Variants in LRRC36 observed in about 807,000 individuals in gnomAD.
LRRC36 encodes leucine rich repeat containing 36, also known as leucine-rich repeat-containing protein 36.
A neutral mutation model predicts 81.1 loss-of-function variants in LRRC36; 62 were observed. That is an observed-to-expected ratio of 0.76 (90% CI 0.62 to 0.94). LRRC36 has a LOEUF of 0.94. LRRC36 is among the 40% of genes least tolerant of loss of function. The pLI, the probability that LRRC36 is intolerant of heterozygous loss-of-function variation, is 0.00. For missense variants in LRRC36, 761 were observed against 881.7 expected, an observed-to-expected ratio of 0.86 and a Z score of 1.73; for synonymous variants, 334 against 348.6, an observed-to-expected ratio of 0.96 and a Z score of 0.47.
In LRRC36 at chr16:67,334,427, T is replaced by G. The variant is rs531614711; in HGVS notation, c.70+7495T>G. On this transcript the variant is annotated intron_variant, in intron 1 of 13. Transcript: ENST00000329956. ...GCAACCTCCGCCTCCTGGGTTCAAG[T>G]GATTCTCATGCCTCAGCCTCCCAAG... is the stretch of plus-strand genomic sequence containing the variant. 6.7e-4 allele frequency among the ~76,000 whole-genome samples: 101 copies of G among 151,624 alleles called. 1 individual carries two copies. Among genetic ancestry groups the G allele is most frequent in the Non-Finnish European group, 1.2e-3 (82 of 67,878 alleles).
At position 67,341,920 on chromosome 16, in the gene LRRC36, A is replaced by G. The variant is rs765375270; in HGVS notation, c.71-37A>G. 17 of 1,572,466 alleles carry G rather than the reference A, an allele frequency of 1.1e-5. No individual in the cohort carries two copies. In the South Asian group the frequency reaches 1.6e-4, roughly 15 times the overall value. On this transcript the variant is annotated intron_variant, in intron 1 of 13. Transcript: ENST00000329956. ...CACTGACTCTGCTGTTGATCCGAGC[A>G]GGGATCATAATATATCTACTGATGA...
intron 5 of LRRC36, among the ~76,000 whole-genome samples, chr16:67,353,143 C>T (rs2038736069): frequency 1.3e-5 from 2 of 152,272 alleles, no homozygotes; most frequent in South Asian, 4.1e-4. Flanking sequence ...TTAACAGCCT[C>T]TCAAGCTAAA....
chr16:67,358,180 T>C (rs944056774), intron 5 of LRRC36, among the ~76,000 whole-genome samples: 2 of 151,620 alleles, frequency 1.3e-5, no homozygotes, highest in East Asian at 1.9e-4. Context: ...TTTTTTTTTT[T>C]CAAGAGTGAT....
intron 9 of LRRC36, chr16:67,371,492 G>A (rs1439065900): frequency 5.8e-6 from 3 of 521,254 alleles, no homozygotes; most frequent in African/African-American, 1.9e-5. Flanking sequence ...ACTTCCGGCT[G>A]AAGATTGAAC....
intron 1 of LRRC36, among the ~76,000 whole-genome samples, chr16:67,333,702 A>G (rs958379045): frequency 6.6e-6 from 1 of 152,256 alleles, no homozygotes; most frequent in Non-Finnish European, 1.5e-5. Context: ...TTCATTATTC[A>G]TTCATGTTTT....
Position 67,363,597 on chromosome 16 carries a change from C to G in LRRC36, c.585C>G (p.Asn195Lys). The change falls in exon 6 of 14, where the codon AAC becomes AAG. Residue 195 changes from asparagine to lysine, a missense_variant. This residue lies in a region of LRRC36 where 263 missense variants were observed against 279.3 expected (regional missense o/e 0.94). Coordinates refer to ENST00000329956, the MANE Select transcript of LRRC36 (RefSeq NM_018296.6). ...NVDSRIEMDS[N>K]KGLFIPFPNR... is the part of the protein sequence containing the mutation. ...CTTTTTCTTTTAACACAGACTCAAA[C>G]AAAGGACTTTTTATTCCCTTCCCCA... The G allele has an allele frequency of 1.2e-6, 2 of 1,613,792 alleles. No individual in the cohort carries two copies. Among genetic ancestry groups the G allele is most frequent in the Non-Finnish European group, 1.7e-6 (2 of 1,179,786 alleles).
intron 1 of LRRC36, among the ~76,000 whole-genome samples, chr16:67,335,297 G>A (rs1167567908): frequency 1.3e-5 from 2 of 152,196 alleles, no homozygotes; most frequent in Non-Finnish European, 2.9e-5. Flanking sequence ...TCTCAGGGAT[G>A]TTCCTTGCTG....
At chr16:67,333,082 G>A (rs1327094698) in intron 1 of LRRC36, among the ~76,000 whole-genome samples, 2 of 151,376 alleles carry the variant, frequency 1.3e-5, no homozygotes, top group African/African-American at 4.9e-5. Flanking sequence ...TGTAGAGATG[G>A]GTGCATTTTA....
chr16:67,368,081 A>C (rs969994601), intron 8 of LRRC36, among the ~76,000 whole-genome samples: 1 of 152,206 alleles, frequency 6.6e-6, no homozygotes, highest in African/African-American at 2.4e-5. Flanking sequence ...AGTTAGTTTC[A>C]GAGTTAGTGA....
chr16:67,364,466 C>T (rs9922615), intron 6 of LRRC36, among the ~76,000 whole-genome samples: 147,411 of 152,340 alleles, frequency 0.97, 71,352 homozygotes, highest in East Asian at 1. Context: ...ATAATTTGGA[C>T]AATCAAGACT....
At chr16:67,336,489 T>G (rs949771465) in intron 1 of LRRC36, among the ~76,000 whole-genome samples, 1 of 152,212 alleles carries the variant, frequency 6.6e-6, no homozygotes, top group African/African-American at 2.4e-5. Flanking sequence ...TTTAGCATTG[T>G]GAAAGTTTTA....
intron 2 of LRRC36, 151 bp downstream of exon 2, chr16:67,342,235 T>G: frequency 1.9e-6 from 1 of 514,896 alleles, no homozygotes; most frequent in South Asian, 6.7e-5. Context: ...TAAAATTCTT[T>G]CAACTTTGCA....
chr16:67,363,631 A>C lies in LRRC36; in HGVS notation c.619A>C (p.Ile207Leu). ...GLFIPFPNRE[I>L]KDSLSTSATQ... The stretch of plus-strand genomic sequence containing the variant: ...TTTTATTCCCTTCCCCAACCGGGAA[A>C]TAAAGGATTCCCTAAGTACTTCTGC... Residue 207 changes from isoleucine (I) to leucine (L), a missense_variant, in exon 6 of 14, where the codon ATA becomes CTA. Around this residue, in one of 3 missense-constraint regions of LRRC36, gnomAD observed 263 missense variants for 279.3 expected, o/e 0.94. Coordinates refer to ENST00000329956, the MANE Select transcript of LRRC36 (RefSeq NM_018296.6). 1 of 1,613,992 alleles carries C rather than the reference A, an allele frequency of 6.2e-7. No individual in the cohort carries two copies. Among genetic ancestry groups the C allele is most frequent in the South Asian group, 1.1e-5 (1 of 91,084 alleles).
At chr16:67,336,927 C>A (rs1174555243) in intron 1 of LRRC36, among the ~76,000 whole-genome samples, 1 of 151,704 alleles carries the variant, frequency 6.6e-6, no homozygotes, top group Non-Finnish European at 1.5e-5. Context: ...GCCACCACAC[C>A]CGGCTAATTT....
In LRRC36 at chr16:67,376,742, T is replaced by A. The variant is rs760305540; in HGVS notation, c.1676T>A (p.Leu559Ter). 6.8e-6 allele frequency: 11 copies of A among 1,612,016 alleles called. No individual in the cohort carries two copies. In the South Asian group the frequency reaches 1.2e-4, roughly 18 times the overall value. ...TTTTTGGCAGGTCCTGCCCGAGATT[T>A]GCTTCTGTCTTTGGTAGTCCCGGCT... Reference protein sequence around the residue: ...NKKFLGPARDLLLSLVVPAPS... With the variant: ...NKKFLGPARD The change falls in exon 11 of 14, where the codon TTG (leucine) becomes TAG (stop). Residue 559 changes from leucine to a stop codon, truncating the protein, a stop_gained. Coordinates refer to ENST00000329956, the MANE Select transcript of LRRC36 (RefSeq NM_018296.6). LOFTEE classifies it high-confidence loss of function.
At chr16:67,343,692 CA>C (rs533517669) in intron 2 of LRRC36, among the ~76,000 whole-genome samples, 143 of 108,126 alleles carry the variant, frequency 1.3e-3, no homozygotes, top group Admixed American at 2.0e-3. Flanking sequence ...GAGACCATCT[CA>C]AAAAAAAAAA....
At chr16:67,382,394 A>G in intron 13 of LRRC36, 147 bp downstream of exon 13, 1 of 602,780 alleles carries the variant, frequency 1.7e-6, no homozygotes, top group Non-Finnish European at 2.9e-6. Context: ...CAGTTAGCTC[A>G]GGGATTATAA....
chr16:67,367,048 A>C lies in LRRC36; in HGVS notation c.786A>C (p.Thr262=). Residue 262 remains threonine (T), a synonymous_variant, in exon 8 of 14, where the codon ACA becomes ACC. Coordinates refer to ENST00000329956, the MANE Select transcript of LRRC36 (RefSeq NM_018296.6). ...EFRHYSPRQS[T]VRSPEKMTRE... is the part of the protein sequence containing the mutation. Reference sequence around the variant, plus strand: ...GACACTACTCGCCTCGTCAGTCCACAGTCCGATCCCCAGAGAAGATGACTA... The same window carrying C: ...GACACTACTCGCCTCGTCAGTCCACCGTCCGATCCCCAGAGAAGATGACTA... 1 of 1,613,162 alleles carries C rather than the reference A, an allele frequency of 6.2e-7. No homozygotes were observed. The highest frequency in any genetic ancestry group is 1.1e-5 in the South Asian group (1 of 90,944).
intron 8 of LRRC36, among the ~76,000 whole-genome samples, chr16:67,367,708 G>A (rs1032277781): frequency 3.3e-5 from 5 of 152,126 alleles, no homozygotes; most frequent in Non-Finnish European, 7.3e-5. Flanking sequence ...AGCATCCCAG[G>A]ACATCTAGTC....
Sources: allele counts gnomAD v4.1 joint callset (sites outside exome capture counted in the v4.1 genomes callset), GRCh38; gene constraint gnomAD v4.1.1; regional missense constraint gnomAD v4.1.1; transcripts MANE v1.5; gene names NCBI Gene and HGNC (gene_info 2026-07-23, HGNC 2026-07-21).